The following PRDM1 variants were observed in gnomAD, a reference collection of about 807,000 sequenced individuals.
The protein encoded by PRDM1 is PR/SET domain 1.
Under a neutral mutation model 62.8 loss-of-function variants are expected in PRDM1, and 13 were observed. The ratio of observed to expected loss-of-function variants is 0.21; its 90% CI spans 0.13 to 0.33. The LOEUF is 0.33. PRDM1 is among the 10% of genes least tolerant of loss of function. The pLI, the probability that PRDM1 is intolerant of heterozygous loss-of-function variation, is 1.00. For synonymous variants in PRDM1, 396 were observed against 417.6 expected, an observed-to-expected ratio of 0.95 and a Z score of 0.63; for missense variants, 895 against 1,058.8, an observed-to-expected ratio of 0.85 and a Z score of 2.15.
intron 1 of PRDM1, among the ~76,000 whole-genome samples, chr6:106,031,051 AT>A (rs1391121022): frequency 8.3e-6 from 1 of 120,050 alleles, no homozygotes; most frequent in African/African-American, 3.2e-5. Context: ...CATTGCTTTT[AT>A]AGTAATAAAA....
intron 1 of PRDM1, among the ~76,000 whole-genome samples, chr6:106,065,033 T>A (rs1582446768): frequency 6.6e-6 from 1 of 152,164 alleles, no homozygotes; most frequent in Admixed American, 6.5e-5. Flanking sequence ...ATGGCTGAGG[T>A]CTGCCATGGA....
At chr6:106,053,842 C>T (rs1030952946) in intron 1 of PRDM1, among the ~76,000 whole-genome samples, 6 of 151,164 alleles carry the variant, frequency 4.0e-5, no homozygotes, top group Admixed American at 2.0e-4. Context: ...CTCCACCCCC[C>T]ACAATGTATA....
chr6:105,997,827 G>C (rs954249628), intron 1 of PRDM1, among the ~76,000 whole-genome samples: 2 of 152,218 alleles, frequency 1.3e-5, no homozygotes, highest in African/African-American at 4.8e-5. Flanking sequence ...ATTTGGATGA[G>C]AGCTTCTAGA....
chr6:106,099,626 T>C, intron 4 of PRDM1, 74 bp downstream of exon 4: 1 of 1,562,352 alleles, frequency 6.4e-7, no homozygotes, highest in South Asian at 1.2e-5. Context: ...TAATAACATG[T>C]TGTTTAATTA....
chr6:106,107,436 C>T lies in PRDM1; in HGVS notation c.2428C>T (p.Leu810=), dbSNP rs149770989. ...MKLPPSNPLP[L]VPVKVKQETV... ...GTTGCCTCCCAGCAACCCACTACCT[C>T]TGGTACCTGTAAAGGTCAAACAAGA... The change falls in exon 7 of 7, where the codon CTG becomes TTG. Residue 810 remains leucine (L), a synonymous_variant. Coordinates refer to ENST00000369096, the MANE Select transcript of PRDM1 (RefSeq NM_001198.4). 8 of 1,613,962 alleles carry T rather than the reference C, an allele frequency of 5.0e-6. No individual in the cohort carries two copies. The highest frequency in any genetic ancestry group is 6.8e-6 in the Non-Finnish European group (8 of 1,179,960).
Position 106,107,524 on chromosome 6 carries a change from G to A in PRDM1, c.*38G>A, listed in dbSNP as rs1319133509. 6 of 1,534,250 alleles carry A rather than the reference G, an allele frequency of 3.9e-6. No homozygotes were observed. The highest frequency in any genetic ancestry group is 5.3e-6 in the Non-Finnish European group (6 of 1,134,310). ...ACACTTATTTTGTTTCTTAAGTTATGACTTGGTGAGTCAGGGTGCCTGTAG... is the reference window on the plus strand; with the variant it reads ...ACACTTATTTTGTTTCTTAAGTTATAACTTGGTGAGTCAGGGTGCCTGTAG... On this transcript the variant is annotated 3_prime_UTR_variant, in exon 7 of 7. Transcript: ENST00000369096.
At chr6:106,044,361 A>G (rs1773044267), upstream of PRDM1, among the ~76,000 whole-genome samples, 1 of 152,142 alleles carries the variant, frequency 6.6e-6, no homozygotes, top group Non-Finnish European at 1.5e-5. Context: ...TTTTGGCACT[A>G]GGTATTGTGA....
chr6:106,040,238 A>G (rs1772975181), intron 1 of PRDM1, among the ~76,000 whole-genome samples: 2 of 152,248 alleles, frequency 1.3e-5, no homozygotes, highest in Non-Finnish European at 2.9e-5. Context: ...AAATCAGAGC[A>G]TGCAGCTGAT....
rs1774568506 is a variant in PRDM1 at position 106,108,316 on chromosome 6, C to T, written c.*830C>T. The T allele has an allele frequency of 8.6e-6, 2 of 233,698 alleles. No individual in the cohort carries two copies. Among genetic ancestry groups the T allele is most frequent in the South Asian group, 3.6e-4 (2 of 5,522 alleles). 14.5% of individuals were successfully genotyped at this position (233,698 alleles called of 1,614,324 possible). ...CCTCCAAAAGAGCAGAATCCTCCCACCGCCCTGCCCTCCCCACCGAGTCCT... is the reference window on the plus strand; with the variant it reads ...CCTCCAAAAGAGCAGAATCCTCCCATCGCCCTGCCCTCCCCACCGAGTCCT... On this transcript the variant is annotated 3_prime_UTR_variant, in exon 7 of 7. Transcript: ENST00000369096.
At chr6:106,030,229 C>G (rs982303876) in intron 1 of PRDM1, among the ~76,000 whole-genome samples, 4 of 152,082 alleles carry the variant, frequency 2.6e-5, no homozygotes, top group African/African-American at 9.7e-5. Context: ...AGTACAGTAG[C>G]ACTATCATAG....
intron 1 of PRDM1, among the ~76,000 whole-genome samples, chr6:106,073,058 G>A (rs993588235): frequency 1.3e-5 from 2 of 151,576 alleles, no homozygotes; most frequent in African/African-American, 4.9e-5. Context: ...TTGCCTGTGT[G>A]CATATATATC....
intron 1 of PRDM1, among the ~76,000 whole-genome samples, chr6:105,999,387 T>C (rs1299414600): frequency 1.3e-5 from 2 of 151,554 alleles, no homozygotes; most frequent in Non-Finnish European, 2.9e-5. Context: ...AAGACCCCCA[T>C]GTCTACAAAA....
intron 1 of PRDM1, among the ~76,000 whole-genome samples, chr6:106,080,048 G>A (rs1245185047): frequency 6.6e-6 from 1 of 152,214 alleles, no homozygotes. Flanking sequence ...AGCACATGCA[G>A]GTAGGCGCCA....
At chr6:106,042,101 C>T (rs1773005533) in intron 1 of PRDM1, among the ~76,000 whole-genome samples, 2 of 150,894 alleles carry the variant, frequency 1.3e-5, no homozygotes, top group South Asian at 4.3e-4. Flanking sequence ...AGCCACCATG[C>T]CCAGCCCCTT....
intron 4 of PRDM1, chr6:106,100,186 A>AT (rs1466952520): frequency 6.6e-6 from 1 of 152,262 alleles, no homozygotes; most frequent in Non-Finnish European, 1.5e-5. Flanking sequence ...CTTTTATTTG[A>AT]TTAAAATTGC....
chr6:106,102,632 C>T (rs1582475110), intron 4 of PRDM1, among the ~76,000 whole-genome samples: 1 of 152,090 alleles, frequency 6.6e-6, no homozygotes, highest in African/African-American at 2.4e-5. Flanking sequence ...AAGAAGAATC[C>T]CTGGCTAAAT....
rs147146542 is a variant in PRDM1 at position 106,004,632 on chromosome 6, G to C, written c.-67+10993G>C. On this transcript the variant is annotated intron_variant, in intron 1 of 6. Transcript: ENST00000652320. The stretch of plus-strand genomic sequence containing the variant: ...AAGTTTTGCTTGTGGAGGTGTAATG[G>C]ATTTTGAAACACAAAATATGGATTA... Among the ~76,000 whole-genome samples the C allele has an allele frequency of 7.4e-4, 113 of 152,248 alleles. 1 individual carries two copies. The East Asian group carries it at 0.02, about 28-fold the overall frequency.
At chr6:106,038,014 C>CTTTTTTTTGTTTTTTTTTTTTTT (rs1772945213) in intron 1 of PRDM1, among the ~76,000 whole-genome samples, 1 of 47,800 alleles carries the variant, frequency 2.1e-5, no homozygotes, top group Admixed American at 3.5e-4. Flanking sequence ...CTATTTTTGT[C>CTTTTTTTTGTTTTTTTTTTTTTT]TTTTTTTTTT....
At chr6:106,024,085 T>A (rs1053373284) in intron 1 of PRDM1, among the ~76,000 whole-genome samples, 1 of 152,038 alleles carries the variant, frequency 6.6e-6, no homozygotes, top group South Asian at 2.1e-4. Flanking sequence ...GAGGCTGCAA[T>A]GAGCCCTACT....
Sources: allele counts gnomAD v4.1 joint callset (sites outside exome capture counted in the v4.1 genomes callset), GRCh38; gene constraint gnomAD v4.1.1; transcripts MANE v1.5; gene names NCBI Gene and HGNC (gene_info 2026-07-23, HGNC 2026-07-21).